Variants in TRAK1 observed in about 807,000 individuals in gnomAD.
TRAK1 encodes the protein trafficking kinesin-binding protein 1.
Under a neutral mutation model 92.1 loss-of-function variants are expected in TRAK1, and 33 were observed. That is an observed-to-expected ratio of 0.36 (90% CI 0.27 to 0.48). The LOEUF (loss-of-function observed/expected upper bound fraction) is 0.48. Among genes scored for constraint, TRAK1 ranks in the 20% least tolerant of loss-of-function variants. The pLI, the probability that TRAK1 is intolerant of heterozygous loss-of-function variation, is 0.99. For synonymous variants in TRAK1, 521 were observed against 517.3 expected (o/e 1.01, Z -0.10); for missense variants, 1,123 against 1,257.9 (o/e 0.89, Z 1.62).
intron 1 of TRAK1, among the ~76,000 whole-genome samples, chr3:42,065,077 AAAACAAAC>A (rs375454303): frequency 2.3e-3 from 347 of 151,808 alleles, no homozygotes; most frequent in African/African-American, 8.1e-3. Flanking sequence ...ACTCTGTCTC[AAAACAAAC>A]AAACAAACAA....
chr3:42,194,981 T>C (rs758882421), intron 10 of TRAK1, 40 bp downstream of exon 10: 1 of 1,608,716 alleles, frequency 6.2e-7, no homozygotes, highest in Non-Finnish European at 8.5e-7. Context: ...ACAGGAGGGG[T>C]TCTGGTGACA....
intron 1 of TRAK1, among the ~76,000 whole-genome samples, chr3:42,113,352 C>T (rs1708720285): frequency 7.3e-6 from 1 of 136,454 alleles, no homozygotes; most frequent in South Asian, 2.6e-4. Flanking sequence ...ACTCCTACTC[C>T]TACGCCTACG....
intron 14 of TRAK1, among the ~76,000 whole-genome samples, chr3:42,217,068 A>T (rs1282895306): frequency 6.6e-6 from 1 of 151,418 alleles, no homozygotes; most frequent in Non-Finnish European, 1.5e-5. Flanking sequence ...TCCTGCCAAG[A>T]AGGATGTTTT....
intron 14 of TRAK1, chr3:42,211,468 G>GTAC: frequency 1.0e-6 from 1 of 985,380 alleles, no homozygotes; most frequent in Non-Finnish European, 1.2e-6. Flanking sequence ...ACCAGCTGCG[G>GTAC]TACTGTCCCA....
At chr3:42,207,957 AC>A (rs996814223) in intron 13 of TRAK1, among the ~76,000 whole-genome samples, 4 of 151,732 alleles carry the variant, frequency 2.6e-5, no homozygotes, top group Middle Eastern at 3.2e-3. Context: ...TCTGGCTTTT[AC>A]CCCCTAGATG....
At chr3:42,119,025 C>T (rs566202646) in intron 1 of TRAK1, among the ~76,000 whole-genome samples, 1 of 152,302 alleles carries the variant, frequency 6.6e-6, no homozygotes, top group East Asian at 1.9e-4. Flanking sequence ...CAGACTAGTC[C>T]TGCCACCGGC....
chr3:42,113,911 C>T (rs1708821110), intron 1 of TRAK1, among the ~76,000 whole-genome samples: 1 of 152,160 alleles, frequency 6.6e-6, no homozygotes. Flanking sequence ...AAAATGTGCA[C>T]CCATAACCGT....
chr3:42,099,707 T>C (rs1022310890), intron 1 of TRAK1, among the ~76,000 whole-genome samples: 3 of 152,220 alleles, frequency 2.0e-5, no homozygotes, highest in Admixed American at 6.5e-5. Context: ...CTCATAAATA[T>C]AATTATGCTC....
intron 1 of TRAK1, among the ~76,000 whole-genome samples, chr3:42,068,641 G>A (rs189856186): frequency 6.3e-4 from 96 of 152,228 alleles, no homozygotes; most frequent in African/African-American, 2.1e-3. Context: ...AATATAATTC[G>A]TCTCTACTTG....
chr3:42,088,250 C>T (rs542853658), upstream of TRAK1, among the ~76,000 whole-genome samples: 14 of 152,302 alleles, frequency 9.2e-5, no homozygotes, highest in African/African-American at 3.1e-4. Flanking sequence ...GCCTTGAGGA[C>T]CTCCTGTGTG....
chr3:42,028,723 CAG>C (rs1196243611), intron 1 of TRAK1, among the ~76,000 whole-genome samples: 2 of 152,152 alleles, frequency 1.3e-5, no homozygotes, highest in Non-Finnish European at 2.9e-5. Flanking sequence ...AGGAGATAGT[CAG>C]GGGACGGCTG....
chr3:42,031,582 A>G (rs1702149588), intron 1 of TRAK1, among the ~76,000 whole-genome samples: 1 of 152,018 alleles, frequency 6.6e-6, no homozygotes. Context: ...ACGGTGAGCC[A>G]TGATTGTGCT....
chr3:42,213,398 C>G (rs1199243827), intron 14 of TRAK1, among the ~76,000 whole-genome samples: 1 of 152,202 alleles, frequency 6.6e-6, no homozygotes, highest in Non-Finnish European at 1.5e-5. Context: ...ACAAAAAACA[C>G]ACTTGGCTAA....
chr3:42,091,153 C>T (rs1705013238), upstream of TRAK1: 6 of 290,888 alleles, frequency 2.1e-5, no homozygotes, highest in South Asian at 2.9e-4. Flanking sequence ...TTAGGCAAAA[C>T]CGAATGCCCA....
intron 2 of TRAK1, chr3:42,160,108 C>G: frequency 1.2e-6 from 1 of 804,322 alleles, no homozygotes; most frequent in Non-Finnish European, 1.6e-6. Context: ...CCGCCAAGTG[C>G]TCCACCCCAC....
At position 42,212,274 on chromosome 3, in the gene TRAK1, C is replaced by T. The variant is rs183642706; in HGVS notation, c.1963+2289C>T. 1.3e-4 allele frequency: 133 copies of T among 985,404 alleles called. No homozygotes were observed. The African/African-American group carries it at 1.9e-3, about 14-fold the overall frequency. The allele number at this position is 985,404 out of a possible 1,614,324, so 61.0% of individuals were successfully genotyped here. A position where few individuals can be genotyped will look rare whatever the true frequency, so the allele number is the denominator to read the frequency against. ...TCCCTGCCTTTTAATCCGTCCTCTA[C>T]GCTTGGGCTTTTCTGTTACCAAACA... On this transcript the variant is annotated intron_variant, in intron 14 of 15. Transcript: ENST00000327628.
chr3:42,150,309 A>G (rs1354703873), intron 2 of TRAK1, among the ~76,000 whole-genome samples: 3 of 152,178 alleles, frequency 2.0e-5, no homozygotes, highest in African/African-American at 7.2e-5. Flanking sequence ...GGAGGTTTCA[A>G]GCACACAGAA....
At chr3:42,121,817 T>C (rs1709916459) in intron 1 of TRAK1, among the ~76,000 whole-genome samples, 1 of 152,078 alleles carries the variant, frequency 6.6e-6, no homozygotes, top group Non-Finnish European at 1.5e-5. Context: ...AAATCAAATA[T>C]ACAGTTGTTT....
intron 1 of TRAK1, among the ~76,000 whole-genome samples, chr3:42,110,330 G>A (rs1483291045): frequency 6.6e-6 from 1 of 151,516 alleles, no homozygotes; most frequent in African/African-American, 2.4e-5. Context: ...GAGGGGTGGG[G>A]GTTGATGGAT....
Sources: gnomAD v4.1 joint callset for allele counts (sites outside exome capture counted in the v4.1 genomes callset) on GRCh38, gnomAD v4.1.1 for gene constraint, MANE v1.5 for transcripts, NCBI Gene and HGNC (gene_info 2026-07-23, HGNC 2026-07-21) for gene names.